Variants in OTOGL observed in about 807,000 individuals in gnomAD.
OTOGL encodes the protein otogelin like.
Under a neutral mutation model 318.5 loss-of-function variants are expected in OTOGL, and 285 were observed. The ratio of observed to expected loss-of-function variants is 0.89; its 90% CI spans 0.81 to 0.99. The LOEUF is 0.99. OTOGL is among the 50% of genes least tolerant of loss of function. The pLI is 0.00. For synonymous variants in OTOGL, 987 were observed against 936.5 expected (o/e 1.05, Z -0.99); for missense variants, 2,899 against 2,845.6 (o/e 1.02, Z -0.43).
At chr12:80,343,712 T>C (rs1888985993) in intron 44 of OTOGL, 1 of 151,898 alleles carries the variant, frequency 6.6e-6, no homozygotes, top group African/African-American at 2.4e-5. Flanking sequence ...AAGGGACACT[T>C]GCTTAGCGAG....
chr12:80,313,113 A>C (rs1243901792), intron 30 of OTOGL, among the ~76,000 whole-genome samples: 2 of 152,234 alleles, frequency 1.3e-5, no homozygotes, highest in Non-Finnish European at 2.9e-5. Flanking sequence ...GGAAAGAAGG[A>C]AGAAAGATAC....
intron 1 of OTOGL, among the ~76,000 whole-genome samples, chr12:80,107,404 G>C (rs1220127094): frequency 6.6e-6 from 1 of 151,926 alleles, no homozygotes; most frequent in Non-Finnish European, 1.5e-5. Flanking sequence ...AGAATTTTTG[G>C]CTATTATTAA....
intron 45 of OTOGL, 86 bp from the exon 46 acceptor site, chr12:80,353,239 A>G (rs1889664054): frequency 8.8e-7 from 1 of 1,134,094 alleles, no homozygotes; most frequent in East Asian, 2.9e-5. Flanking sequence ...TATATTTTCT[A>G]AAAGAAATCT....
Position 80,323,779 on chromosome 12 carries a change from G to A in OTOGL, c.4138G>A (p.Ala1380Thr). The A allele has an allele frequency of 6.2e-7, 1 of 1,613,858 alleles. No homozygotes were observed. Among genetic ancestry groups the A allele is most frequent in the Non-Finnish European group, 8.5e-7 (1 of 1,179,800 alleles). The change falls in exon 35 of 59, where the codon GCT becomes ACT. Residue 1380 changes from alanine (A) to threonine (T), a missense_variant. This residue lies in a region of OTOGL where 2,607 missense variants were observed against 2,524.9 expected (regional missense o/e 1.03). Transcript: ENST00000547103. Reference protein sequence around the residue: ...KMCEWRYEPCATPCFKTCSDP... With the variant: ...KMCEWRYEPCTTPCFKTCSDP... ...GTGTGAATGGAGATATGAACCTTGT[G>A]CTACACCCTGTTTTAAAACATGTAG...
At chr12:80,305,535 G>C in intron 28 of OTOGL, 41 bp from the exon 29 acceptor site, 2 of 1,411,562 alleles carry the variant, frequency 1.4e-6, no homozygotes, top group Non-Finnish European at 1.8e-6. Flanking sequence ...AAATGTTAAA[G>C]TGAAAACAGA....
chr12:80,237,532 A>T lies in OTOGL; in HGVS notation c.818-1319A>T, dbSNP rs188964063. On this transcript the variant is annotated intron_variant, in intron 9 of 58. Coordinates refer to ENST00000547103, the MANE Select transcript of OTOGL (RefSeq NM_001378609.3). ...GTTTTGAAGGAGGAAGAACAAGAGC[A>T]AGTGTTCTGAGGTGGGAATGAGTTT... 2.6e-5 allele frequency among the ~76,000 whole-genome samples: 4 copies of T among 152,116 alleles called. No homozygotes were observed. In the East Asian group the frequency reaches 7.8e-4, roughly 30 times the overall value.
intron 1 of OTOGL, among the ~76,000 whole-genome samples, chr12:80,100,449 A>G (rs115308625): frequency 0.024 from 3,611 of 152,256 alleles, 134 homozygotes; most frequent in African/African-American, 0.08. Flanking sequence ...ATAAATATGT[A>G]TAACTATTAT....
chr12:80,186,867 C>T (rs974232280), intron 1 of OTOGL, among the ~76,000 whole-genome samples: 2 of 152,128 alleles, frequency 1.3e-5, no homozygotes, highest in African/African-American at 4.8e-5. Context: ...GAGTCCAAAG[C>T]ACCACATAGG....
Position 80,318,588 on chromosome 12 carries a change from G to A in OTOGL, c.3677G>A (p.Ser1226Asn). 4 of 1,432,430 alleles carry A rather than the reference G, an allele frequency of 2.8e-6. No individual in the cohort carries two copies. Among genetic ancestry groups the A allele is most frequent in the Non-Finnish European group, 3.7e-6 (4 of 1,093,184 alleles). The allele number at this position is 1,432,430 out of a possible 1,614,324, so 88.7% of individuals were successfully genotyped here. The change falls in exon 33 of 59, where the codon AGT becomes AAT. Residue 1226 changes from serine (S) to asparagine (N), a missense_variant. Ser to Asn is a conservative substitution (Grantham distance 46). Around this residue, in one of 3 missense-constraint regions of OTOGL, gnomAD observed 2,607 missense variants for 2,524.9 expected, o/e 1.03. Transcript: ENST00000547103. ...GPYMLASYGQ[S>N]GLVLGANMTS... ...TATATGCTGGCAAGCTATGGGCAGA[G>A]TGGCCTTGTTCTGGGGGCCAATATG...
chr12:80,329,422 G>C (rs575830577), intron 37 of OTOGL, among the ~76,000 whole-genome samples: 1 of 152,162 alleles, frequency 6.6e-6, no homozygotes, highest in Non-Finnish European at 1.5e-5. Flanking sequence ...GGTCCACCTC[G>C]TTCTTCATTT....
intron 1 of OTOGL, among the ~76,000 whole-genome samples, chr12:80,148,685 G>A (rs897008669): frequency 1.4e-4 from 22 of 152,112 alleles, no homozygotes; most frequent in Non-Finnish European, 3.2e-4. Context: ...TCACTTTCAG[G>A]TACACGAATC....
At chr12:80,369,828 A>T (rs1401190842) in intron 55 of OTOGL, among the ~76,000 whole-genome samples, 1 of 151,920 alleles carries the variant, frequency 6.6e-6, no homozygotes, top group Non-Finnish European at 1.5e-5. Context: ...AAAGAGACGA[A>T]TTTTCCATCT....
chr12:80,122,701 C>T (rs1053072355), intron 1 of OTOGL, among the ~76,000 whole-genome samples: 6 of 152,088 alleles, frequency 3.9e-5, no homozygotes, highest in Admixed American at 3.3e-4. Context: ...TGAGTATGCA[C>T]GAGTCTGACA....
At chr12:80,125,014 A>T (rs202206906) in intron 1 of OTOGL, among the ~76,000 whole-genome samples, 5 of 152,250 alleles carry the variant, frequency 3.3e-5, no homozygotes, top group South Asian at 2.1e-4. Flanking sequence ...TCTTTTCCTA[A>T]TTGAATACCC....
intron 16 of OTOGL, among the ~76,000 whole-genome samples, chr12:80,255,948 A>T (rs1467527758): frequency 2.0e-5 from 3 of 151,682 alleles, no homozygotes; most frequent in African/African-American, 7.3e-5. Context: ...TGCTTTATTG[A>T]CTTTTTTTGT....
chr12:80,167,984 C>CTCTCT (rs941321641), intron 1 of OTOGL, among the ~76,000 whole-genome samples: 12 of 151,550 alleles, frequency 7.9e-5, no homozygotes, highest in African/African-American at 2.9e-4. Context: ...CTCTCTTCTC[C>CTCTCT]TCTCTTCTCT....
intron 8 of OTOGL, among the ~76,000 whole-genome samples, chr12:80,231,418 A>G (rs897057578): frequency 7.9e-5 from 12 of 152,100 alleles, no homozygotes; most frequent in East Asian, 1.9e-4. Flanking sequence ...GCAAATGGCT[A>G]CAGATATTTT....
chr12:80,116,209 G>T (rs903996706), intron 1 of OTOGL, among the ~76,000 whole-genome samples: 1 of 152,130 alleles, frequency 6.6e-6, no homozygotes, highest in African/African-American at 2.4e-5. Context: ...CCTGGTCTGT[G>T]GGTTACGAAG....
chr12:80,278,991 T>TGTGTTTTTTAAA, intron 25 of OTOGL, 37 bp from the exon 26 acceptor site: 1 of 1,562,554 alleles, frequency 6.4e-7, no homozygotes, highest in Non-Finnish European at 8.7e-7. Flanking sequence ...GTTAGAGTCG[T>TGTGTTTTTTAAA]TTCTTTAGAA....
Sources: allele counts gnomAD v4.1 joint callset (sites outside exome capture counted in the v4.1 genomes callset), GRCh38; gene constraint gnomAD v4.1.1; regional missense constraint gnomAD v4.1.1; transcripts MANE v1.5; gene names NCBI Gene and HGNC (gene_info 2026-07-23, HGNC 2026-07-21).